The following FGD4 variants were observed in gnomAD, a reference collection of about 807,000 sequenced individuals.
The protein encoded by FGD4 is FYVE, RhoGEF and PH domain containing 4.
FGD4 carries 42 observed loss-of-function variants against 102.0 expected under a neutral mutation model. The observed-to-expected ratio is 0.41, with a 90% CI of 0.32 to 0.53. The LOEUF (loss-of-function observed/expected upper bound fraction) is 0.53, where lower values mean the gene tolerates loss of function less well. Among genes scored for constraint, FGD4 ranks in the 20% least tolerant of loss-of-function variants. The pLI, the probability that FGD4 is intolerant of heterozygous loss-of-function variation, is 0.21. For missense variants in FGD4, 902 were observed against 1,078.2 expected (o/e 0.84, Z 2.29); for synonymous variants, 380 against 375.7 (o/e 1.01, Z -0.13).
chr12:32,600,394 C>A, intron 5 of FGD4: 1 of 1,245,060 alleles, frequency 8.0e-7, no homozygotes, highest in Non-Finnish European at 1.1e-6. Context: ...ATTTTTTGTT[C>A]TTTTTGCCTC....
chr12:32,602,401 G>A, intron 7 of FGD4, 84 bp downstream of exon 7: 2 of 1,551,144 alleles, frequency 1.3e-6, no homozygotes, highest in Admixed American at 3.4e-5. Flanking sequence ...CTGAGATCTA[G>A]AGATCTGTCT....
chr12:32,620,177 G>A (rs1949722087), intron 11 of FGD4, among the ~76,000 whole-genome samples: 1 of 152,140 alleles, frequency 6.6e-6, no homozygotes, highest in Admixed American at 6.6e-5. Context: ...TACAGTAAAA[G>A]GTTCTCTCCT....
chr12:32,528,396 CT>C (rs549958676), intron 1 of FGD4, among the ~76,000 whole-genome samples: 3 of 149,784 alleles, frequency 2.0e-5, no homozygotes, highest in Admixed American at 6.7e-5. Context: ...CTCCCTTACA[CT>C]TTTTTTTTTG....
At chr12:32,458,146 G>A (rs1007338356) in intron 1 of FGD4, among the ~76,000 whole-genome samples, 1 of 151,620 alleles carries the variant, frequency 6.6e-6, no homozygotes, top group South Asian at 2.1e-4. Flanking sequence ...TATGCTGGTA[G>A]CTGTGATTTT....
intron 1 of FGD4, among the ~76,000 whole-genome samples, chr12:32,478,077 G>A (rs1943626802): frequency 6.6e-6 from 1 of 152,186 alleles, no homozygotes; most frequent in African/African-American, 2.4e-5. Context: ...TGACAACAGT[G>A]ATTCAACAGA....
At chr12:32,581,882 A>T (rs747853993) in intron 3 of FGD4, 78 bp from the exon 4 acceptor site, 4 of 1,523,906 alleles carry the variant, frequency 2.6e-6, no homozygotes, top group African/African-American at 1.4e-5. Context: ...ATCCCTTTTC[A>T]ACTGGAATAA....
intron 4 of FGD4, among the ~76,000 whole-genome samples, chr12:32,588,102 A>G (rs1393529803): frequency 1.3e-5 from 2 of 152,202 alleles, no homozygotes; most frequent in African/African-American, 4.8e-5. Flanking sequence ...GGAATGGGGT[A>G]GGGGTGCAGG....
chr12:32,604,239 A>AC (rs1555215807), intron 7 of FGD4, among the ~76,000 whole-genome samples: 1 of 150,198 alleles, frequency 6.7e-6, no homozygotes, highest in African/African-American at 2.5e-5. Flanking sequence ...TTGTAGATTG[A>AC]TTTTTTTTTA....
chr12:32,569,695 C>A (rs1477807504), intron 2 of FGD4, among the ~76,000 whole-genome samples: 1 of 152,110 alleles, frequency 6.6e-6, no homozygotes, highest in Non-Finnish European at 1.5e-5. Flanking sequence ...GATTTACTTG[C>A]TATTTTTTTG....
At chr12:32,605,559 A>T (rs1425162947) in intron 7 of FGD4, among the ~76,000 whole-genome samples, 2 of 151,942 alleles carry the variant, frequency 1.3e-5, no homozygotes, top group South Asian at 2.1e-4. Flanking sequence ...CTAGTTCTCT[A>T]CTCCCAAACT....
intron 4 of FGD4, among the ~76,000 whole-genome samples, chr12:32,585,834 CAAAAAAAA>C (rs58688697): frequency 4.5e-4 from 31 of 68,816 alleles, no homozygotes; most frequent in African/African-American, 1.2e-3. Context: ...GACCTTGTCT[CAAAAAAAA>C]AAAAAAAAAA....
intron 1 of FGD4, among the ~76,000 whole-genome samples, chr12:32,489,823 G>C (rs976077527): frequency 2.0e-5 from 3 of 152,074 alleles, no homozygotes; most frequent in African/African-American, 7.2e-5. Flanking sequence ...AAAAAATCAA[G>C]ACTTTGGCCT....
chr12:32,483,361 TC>T (rs1943813368), intron 1 of FGD4, among the ~76,000 whole-genome samples: 2 of 152,192 alleles, frequency 1.3e-5, no homozygotes, highest in Admixed American at 1.3e-4. Flanking sequence ...TTCAGTGTAA[TC>T]CCTGCAACAT....
At chr12:32,490,318 C>T (rs1944043668) in intron 1 of FGD4, among the ~76,000 whole-genome samples, 1 of 150,682 alleles carries the variant, frequency 6.6e-6, no homozygotes, top group Non-Finnish European at 1.5e-5. Context: ...CAAGCATGGA[C>T]TGTGTTTTCT....
At chr12:32,485,845 T>G in intron 1 of FGD4, 1 of 1,209,102 alleles carries the variant, frequency 8.3e-7, no homozygotes, top group Non-Finnish European at 1.0e-6. Flanking sequence ...CCCCCGGTAT[T>G]CTAGAGCTCT....
At chr12:32,485,912 C>T in intron 1 of FGD4, 2 of 1,268,198 alleles carry the variant, frequency 1.6e-6, no homozygotes, top group African/African-American at 1.5e-5. Flanking sequence ...TTGCGTAGTT[C>T]CTTGAGCCTG....
chr12:32,526,742 G>A (rs1033277667), intron 1 of FGD4, among the ~76,000 whole-genome samples: 2 of 152,030 alleles, frequency 1.3e-5, no homozygotes, highest in East Asian at 1.9e-4. Context: ...AACACTCACC[G>A]CGAAGATCTG....
intron 1 of FGD4, among the ~76,000 whole-genome samples, chr12:32,520,753 G>T (rs1940458533): frequency 6.6e-6 from 1 of 152,004 alleles, no homozygotes; most frequent in African/African-American, 2.4e-5. Flanking sequence ...GTGTTTTAAA[G>T]TGTGTATCTT....
chr12:32,464,827 C>G (rs1591952435), intron 1 of FGD4, among the ~76,000 whole-genome samples: 1 of 152,188 alleles, frequency 6.6e-6, no homozygotes, highest in African/African-American at 2.4e-5. Context: ...CTATGTTATG[C>G]TGGTCCCTTA....
Sources: gnomAD v4.1 joint callset for allele counts (sites outside exome capture counted in the v4.1 genomes callset) on GRCh38, gnomAD v4.1.1 for gene constraint, MANE v1.5 for transcripts, NCBI Gene and HGNC (gene_info 2026-07-23, HGNC 2026-07-21) for gene names.